MCF2: variants seen among roughly 807,000 people sequenced by gnomAD.
The protein encoded by MCF2 is MCF.2 cell line derived transforming sequence, also known as proto-oncogene DBL.
Under a neutral mutation model 82.5 loss-of-function variants are expected in MCF2, and 44 were observed. That is an observed-to-expected ratio of 0.53 (90% confidence interval 0.42 to 0.69). The LOEUF is 0.69. MCF2 is among the 30% of genes least tolerant of loss of function. The pLI, the probability that MCF2 is intolerant of heterozygous loss-of-function variation, is 0.00. For synonymous variants in MCF2, 217 were observed against 224.9 expected, an observed-to-expected ratio of 0.96 and a Z score of 0.32; for missense variants, 623 against 663.1, an observed-to-expected ratio of 0.94 and a Z score of 0.66.
At chrX:139,687,400 C>T (rs952593683) in intron 1 of MCF2, among the ~76,000 whole-genome samples, 6 of 113,270 alleles carry the variant, frequency 5.3e-5, no homozygotes, top group Admixed American at 4.6e-4. Context: ...TGGAACAAGA[C>T]GTCGAAGCAA....
exon 23 of MCF2, chrX:139,586,483 G>C (rs983192815): frequency 1.9e-5 from 22 of 1,177,310 alleles, no homozygotes; most frequent in Non-Finnish European, 2.5e-5. Context: ...GCTCCCTGTT[G>C]CTTTCTGAAA....
intron 1 of MCF2, among the ~76,000 whole-genome samples, chrX:139,637,371 G>A (rs1774287153): frequency 9.0e-6 from 1 of 111,581 alleles, no homozygotes; most frequent in African/African-American, 3.3e-5. Context: ...GTGCCCACAC[G>A]TGAATAAGAC....
chrX:139,589,353 C>A lies in MCF2; in HGVS notation c.2370+482G>T, dbSNP rs746447802. ...CAAATATTTATTGCAATGACAACAT[C>A]CTCTTGAAATGTTCTGATTCCTCTT... On this transcript the variant is annotated intron_variant, in intron 20 of 24. Coordinates refer to ENST00000370576, the Ensembl canonical transcript of MCF2. Among the ~76,000 whole-genome samples, 41 of 111,952 alleles carry A rather than the reference C, an allele frequency of 3.7e-4. 1 individual carries two copies. The South Asian group carries it at 0.015, about 41-fold the overall frequency.
At chrX:139,622,770 T>C (rs1312442142) in intron 6 of MCF2, among the ~76,000 whole-genome samples, 1 of 110,016 alleles carries the variant, frequency 9.1e-6, no homozygotes, top group Non-Finnish European at 1.9e-5. Context: ...TTAGGAGATA[T>C]ACCTAATGCT....
At chrX:139,605,469 C>A (rs1293863960) in intron 13 of MCF2, among the ~76,000 whole-genome samples, 1 of 111,408 alleles carries the variant, frequency 9.0e-6, no homozygotes, top group African/African-American at 3.3e-5. Flanking sequence ...TCGGCTGTAT[C>A]CCTAAGAGAA....
In MCF2 at chrX:139,672,666, A is replaced by C. The variant is rs755780840; in HGVS notation, c.-44-20878T>G. Among the ~76,000 whole-genome samples, 289 of 112,083 alleles carry C rather than the reference A, an allele frequency of 2.6e-3. 1 individual carries two copies. The highest frequency in any genetic ancestry group is 3.5e-3 in the Non-Finnish European group (185 of 53,210). On this transcript the variant is annotated intron_variant, in intron 1 of 27. Coordinates refer to the MCF2 transcript ENST00000414978. ...AGTCTGGCATCCCAGGGATGAAGCC[A>C]ACTTGATCATGGTGGACAAGCTTTT... is the stretch of plus-strand genomic sequence containing the variant.
intron 1 of MCF2, among the ~76,000 whole-genome samples, chrX:139,694,621 A>T (rs552617547): frequency 3.6e-5 from 4 of 111,840 alleles, no homozygotes; most frequent in African/African-American, 1.3e-4. Flanking sequence ...TTTTCAACAA[A>T]TTGTGAACCT....
At chrX:139,670,078 C>G (rs1035496792) in intron 1 of MCF2, among the ~76,000 whole-genome samples, 4 of 111,291 alleles carry the variant, frequency 3.6e-5, no homozygotes, top group African/African-American at 1.3e-4. Flanking sequence ...TACCAAAAAG[C>G]TCAAGGAAAA....
At chrX:139,657,961 T>C (rs765152335) in intron 1 of MCF2, among the ~76,000 whole-genome samples, 1 of 111,704 alleles carries the variant, frequency 9.0e-6, no homozygotes, top group Non-Finnish European at 1.9e-5. Context: ...AAGGCCAAGC[T>C]GCTCTGTGGT....
At chrX:139,684,746 T>C (rs1434284881) in intron 1 of MCF2, among the ~76,000 whole-genome samples, 1 of 111,995 alleles carries the variant, frequency 8.9e-6, no homozygotes, top group Admixed American at 9.5e-5. Flanking sequence ...ATTCTATGTA[T>C]ATGAAATGTC....
intron 1 of MCF2, among the ~76,000 whole-genome samples, chrX:139,667,976 T>C: frequency 8.9e-6 from 1 of 111,951 alleles, no homozygotes; most frequent in East Asian, 2.8e-4. Flanking sequence ...AGCAACATAG[T>C]GGTAGCCCAT....
rs1202502834 is a variant in MCF2, at chrX:139,626,107, T to C, written c.687+86A>G. On this transcript the variant is annotated intron_variant, in intron 6 of 24. Transcript: ENST00000370576. ...TTTTCTTTGTAGGTATAAATGGGCA[T>C]CTTGCAAGGCAGGATTTCTCATGAT... is the stretch of plus-strand genomic sequence containing the variant. The C allele has an allele frequency of 1.1e-4, 55 of 496,158 alleles. No homozygotes were observed. In the East Asian group the frequency reaches 2.1e-3, roughly 19 times the overall value. 40.9% of individuals were successfully genotyped at this position (496,158 alleles called of 1,213,427 possible).
intron 1 of MCF2, among the ~76,000 whole-genome samples, chrX:139,672,546 G>T (rs998717690): frequency 8.9e-6 from 1 of 112,104 alleles, no homozygotes; most frequent in East Asian, 2.8e-4. Flanking sequence ...TTTTCTCAAA[G>T]GCCTTTTCTG....
At chrX:139,672,060 T>C (rs1569395303) in intron 1 of MCF2, among the ~76,000 whole-genome samples, 1 of 112,011 alleles carries the variant, frequency 8.9e-6, no homozygotes, top group Non-Finnish European at 1.9e-5. Flanking sequence ...CTAGGTATTT[T>C]ATTCTCTTTG....
At chrX:139,675,308 A>T (rs969428028) in intron 1 of MCF2, among the ~76,000 whole-genome samples, 2 of 112,452 alleles carry the variant, frequency 1.8e-5, no homozygotes, top group Non-Finnish European at 1.9e-5. Flanking sequence ...CTGTCAGCTC[A>T]TCAAAGTCAT....
intron 1 of MCF2, among the ~76,000 whole-genome samples, chrX:139,669,260 G>A (rs988104413): frequency 9.0e-6 from 1 of 111,715 alleles, no homozygotes; most frequent in African/African-American, 3.3e-5. Context: ...ATATACAAGT[G>A]GTCCATGAGC....
chrX:139,672,961 C>T (rs772014925), intron 1 of MCF2, among the ~76,000 whole-genome samples: 1 of 111,379 alleles, frequency 9.0e-6, no homozygotes, highest in East Asian at 2.8e-4. Context: ...CTTTTTTGTT[C>T]GTAGGCTACT....
intron 1 of MCF2, chrX:139,692,231 C>T: frequency 6.8e-6 from 4 of 584,125 alleles, no homozygotes; most frequent in Non-Finnish European, 1.0e-5. Context: ...CAGCAGCTGC[C>T]CAGCTCTGAC....
intron 6 of MCF2, among the ~76,000 whole-genome samples, chrX:139,621,835 T>A (rs1264471844): frequency 1.8e-5 from 2 of 111,280 alleles, no homozygotes; most frequent in Admixed American, 1.9e-4. Context: ...ACTTCATGTC[T>A]AAAACACCGA....
Sources: gnomAD v4.1 joint callset for allele counts (sites outside exome capture counted in the v4.1 genomes callset) on GRCh38, gnomAD v4.1.1 for gene constraint, MANE v1.5 for transcripts, NCBI Gene and HGNC (gene_info 2026-07-23, HGNC 2026-07-21) for gene names.